The following CTNNA2 variants were observed in gnomAD, a reference collection of about 807,000 sequenced individuals.
CTNNA2 encodes the protein catenin alpha 2.
In CTNNA2, 42 loss-of-function variants were observed where a neutral mutation model predicts 101.0. That is an observed-to-expected ratio of 0.42 (90% CI 0.32 to 0.54). The LOEUF (loss-of-function observed/expected upper bound fraction) is 0.54. Ranked by LOEUF, CTNNA2 falls within the 20% of genes least tolerant of loss-of-function variation. The probability of loss-of-function intolerance (pLI) is 0.14; values close to 1 mark genes in which losing one functional copy is unlikely to be tolerated. For missense variants in CTNNA2, 871 were observed against 1,223.1 expected, an observed-to-expected ratio of 0.71 and a Z score of 4.29; for synonymous variants, 450 against 456.4, an observed-to-expected ratio of 0.99 and a Z score of 0.18.
At chr2:79,629,295 C>T (rs1470593613) in intron 1 of CTNNA2, among the ~76,000 whole-genome samples, 1 of 152,134 alleles carries the variant, frequency 6.6e-6, no homozygotes, top group Non-Finnish European at 1.5e-5. Context: ...ATCTTCAAAG[C>T]ACCTGTTTAT....
intron 3 of CTNNA2, among the ~76,000 whole-genome samples, chr2:79,769,400 A>G (rs537664499): frequency 1.3e-5 from 2 of 152,280 alleles, no homozygotes; most frequent in East Asian, 3.9e-4. Context: ...TCTGCAGGCC[A>G]CTTCTGGTTT....
In CTNNA2 at chr2:79,609,917, C is replaced by G. The variant is rs147935390; in HGVS notation, c.-5-41635C>G. 4.4e-3 allele frequency among the ~76,000 whole-genome samples: 671 copies of G among 152,088 alleles called. 5 individuals are homozygous for G. The highest frequency in any genetic ancestry group is 0.015 in the African/African-American group (640 of 41,516). ...CAAAAGCATAATCCATGAAACAAAT[C>G]AATAAATTGAGCTTCATCAAAAGTA... is the stretch of plus-strand genomic sequence containing the variant. On this transcript the variant is annotated intron_variant, in intron 1 of 18. Transcript: ENST00000402739.
chr2:80,578,335 T>C (rs1014500615), intron 13 of CTNNA2, among the ~76,000 whole-genome samples: 1 of 152,184 alleles, frequency 6.6e-6, no homozygotes, highest in East Asian at 1.9e-4. Context: ...CCTCAGTCTC[T>C]ATCCTCCAGT....
At chr2:80,536,280 CTG>C (rs1691009985) in intron 9 of CTNNA2, among the ~76,000 whole-genome samples, 2 of 152,136 alleles carry the variant, frequency 1.3e-5, no homozygotes, top group Non-Finnish European at 2.9e-5. Context: ...TGCGTGAAAT[CTG>C]TGCCACCATC....
chr2:79,258,927 C>T (rs1359594671), intron 2 of CTNNA2, among the ~76,000 whole-genome samples: 2 of 149,990 alleles, frequency 1.3e-5, no homozygotes, highest in African/African-American at 4.9e-5. Context: ...TCAGTTTTTC[C>T]AAGTTAAAGA....
At chr2:79,842,704 G>GT (rs144884768) in intron 3 of CTNNA2, among the ~76,000 whole-genome samples, 1,995 of 148,314 alleles carry the variant, frequency 0.013, 19 homozygotes, top group Non-Finnish European at 0.015. Context: ...TTTTGGGTGT[G>GT]TGTTTTTTTT....
chr2:79,405,021 G>T (rs1213721183), intron 4 of CTNNA2, among the ~76,000 whole-genome samples: 2 of 152,110 alleles, frequency 1.3e-5, no homozygotes, highest in Admixed American at 6.6e-5. Flanking sequence ...ATTATAATTT[G>T]CTTCTAACCA....
chr2:79,287,823 A>G (rs1227440179), intron 2 of CTNNA2, among the ~76,000 whole-genome samples: 1 of 152,172 alleles, frequency 6.6e-6, no homozygotes, highest in East Asian at 1.9e-4. Context: ...AAGCCTGGGC[A>G]ATGGCGGGCG....
chr2:80,522,132 G>A (rs1286002675), intron 9 of CTNNA2, among the ~76,000 whole-genome samples: 1 of 152,156 alleles, frequency 6.6e-6, no homozygotes, highest in Non-Finnish European at 1.5e-5. Context: ...GCATTCTCTG[G>A]TTCTGAACAA....
chr2:80,599,056 A>G (rs1217323248), intron 15 of CTNNA2, among the ~76,000 whole-genome samples: 1 of 152,226 alleles, frequency 6.6e-6, no homozygotes, highest in Admixed American at 6.5e-5. Flanking sequence ...GCAGTCATAC[A>G]AGATATTAAC....
chr2:79,666,210 A>C (rs956109262), intron 2 of CTNNA2, among the ~76,000 whole-genome samples: 1 of 152,228 alleles, frequency 6.6e-6, no homozygotes, highest in African/African-American at 2.4e-5. Context: ...CCCAGAAAAA[A>C]ACAGGCTCTG....
chr2:80,372,021 C>T (rs769145460), intron 7 of CTNNA2, among the ~76,000 whole-genome samples: 9 of 152,006 alleles, frequency 5.9e-5, no homozygotes, highest in Admixed American at 2.0e-4. Flanking sequence ...ACTTGTCGTC[C>T]GAATTGAAGC....
chr2:79,765,530 G>A (rs1285389981), intron 3 of CTNNA2, among the ~76,000 whole-genome samples: 1 of 152,060 alleles, frequency 6.6e-6, no homozygotes, highest in Non-Finnish European at 1.5e-5. Flanking sequence ...GTGTTTAATG[G>A]GAGGTGGGCA....
chr2:80,147,820 A>C (rs780215606), intron 7 of CTNNA2, among the ~76,000 whole-genome samples: 1 of 151,642 alleles, frequency 6.6e-6, no homozygotes, highest in Non-Finnish European at 1.5e-5. Context: ...TGTCACATGC[A>C]GTACTGTGGT....
rs528686911 is a variant in CTNNA2 at position 80,100,564 on chromosome 2, T to A, written c.1056+190767T>A. Among the ~76,000 whole-genome samples the A allele has an allele frequency of 7.2e-5, 11 of 152,308 alleles. No homozygotes were observed. The South Asian group carries it at 2.3e-3, about 32-fold the overall frequency. The stretch of plus-strand genomic sequence containing the variant: ...CACATTCTGAAATCCTCCTAGTCAA[T>A]GTCATGAGACTACTCTTGAACTTTG... On this transcript the variant is annotated intron_variant, in intron 7 of 18. Coordinates refer to ENST00000402739, the MANE Select transcript of CTNNA2 (RefSeq NM_001282597.3).
intron 3 of CTNNA2, among the ~76,000 whole-genome samples, chr2:79,328,997 C>A (rs538259289): frequency 1.4e-4 from 21 of 151,654 alleles, no homozygotes; most frequent in Non-Finnish European, 2.9e-4. Context: ...GTGTCTGTGT[C>A]TATGTGTCCA....
At chr2:80,391,614 G>A (rs533263663) in intron 7 of CTNNA2, among the ~76,000 whole-genome samples, 1 of 152,306 alleles carries the variant, frequency 6.6e-6, no homozygotes, top group African/African-American at 2.4e-5. Flanking sequence ...TTTGCAAGGA[G>A]AGAACCAAAC....
chr2:79,670,431 G>A (rs1682756053), intron 2 of CTNNA2, among the ~76,000 whole-genome samples: 1 of 152,260 alleles, frequency 6.6e-6, no homozygotes, highest in South Asian at 2.1e-4. Context: ...TGGCTGCAGC[G>A]GCAGGGGGAG....
intron 9 of CTNNA2, among the ~76,000 whole-genome samples, chr2:80,424,251 G>A (rs1283836627): frequency 6.6e-6 from 1 of 152,170 alleles, no homozygotes; most frequent in African/African-American, 2.4e-5. Context: ...ACCGTGCCCG[G>A]CCCAGCAAAC....
Sources: allele counts gnomAD v4.1 joint callset (sites outside exome capture counted in the v4.1 genomes callset), GRCh38; gene constraint gnomAD v4.1.1; transcripts MANE v1.5; gene names NCBI Gene and HGNC (gene_info 2026-07-23, HGNC 2026-07-21).